The following RALYL variants were observed in gnomAD, a reference collection of about 807,000 sequenced individuals.
The protein encoded by RALYL is RALY RNA binding protein like.
A neutral mutation model predicts 35.1 loss-of-function variants in RALYL; 29 were observed. The observed-to-expected ratio is 0.83, with a 90% CI of 0.61 to 1.13. The LOEUF is 1.13. Ranked by LOEUF, RALYL falls within the 50% of genes most tolerant of loss-of-function variation. RALYL has a pLI of 0.00. For synonymous variants in RALYL, 120 were observed against 127.6 expected (o/e 0.94, Z 0.40); for missense variants, 359 against 360.4 (o/e 1.00, Z 0.03).
At chr8:84,260,352 C>T (rs1267975309) in intron 1 of RALYL, among the ~76,000 whole-genome samples, 1 of 152,056 alleles carries the variant, frequency 6.6e-6, no homozygotes, top group African/African-American at 2.4e-5. Context: ...GGAACAAGAC[C>T]ACTTAGAGTG....
At chr8:84,767,783 T>C (rs1814474420) in intron 2 of RALYL, among the ~76,000 whole-genome samples, 2 of 152,198 alleles carry the variant, frequency 1.3e-5, no homozygotes. Context: ...ATGGTGCCTG[T>C]TTGGTTTTAT....
At chr8:84,841,423 C>G (rs1833299731) in intron 4 of RALYL, among the ~76,000 whole-genome samples, 1 of 152,064 alleles carries the variant, frequency 6.6e-6, no homozygotes, top group Non-Finnish European at 1.5e-5. Flanking sequence ...GCTAACTATC[C>G]TAAATATATA....
intron 8 of RALYL, among the ~76,000 whole-genome samples, chr8:84,890,621 C>A (rs1435781781): frequency 6.6e-6 from 1 of 152,034 alleles, no homozygotes; most frequent in East Asian, 1.9e-4. Flanking sequence ...GAAGGGGGCT[C>A]TAGGAATTTG....
intron 1 of RALYL, among the ~76,000 whole-genome samples, chr8:84,251,286 C>A (rs1168101292): frequency 1.3e-5 from 2 of 152,078 alleles, no homozygotes; most frequent in African/African-American, 4.8e-5. Flanking sequence ...CTGTCCAGAT[C>A]AAGTTTCCAT....
chr8:84,488,358 G>T (rs1246005604), intron 1 of RALYL, among the ~76,000 whole-genome samples: 1 of 152,050 alleles, frequency 6.6e-6, no homozygotes, highest in African/African-American at 2.4e-5. Context: ...ATTGCTGTTT[G>T]TAGGCTTTCT....
At chr8:84,808,128 A>G (rs1319925012) in intron 4 of RALYL, among the ~76,000 whole-genome samples, 2 of 152,172 alleles carry the variant, frequency 1.3e-5, no homozygotes, top group African/African-American at 4.8e-5. Context: ...GAATGTTTAT[A>G]GTTTCAGGTC....
At chr8:84,799,282 T>C (rs755041217) in intron 3 of RALYL, among the ~76,000 whole-genome samples, 1 of 152,150 alleles carries the variant, frequency 6.6e-6, no homozygotes, top group Non-Finnish European at 1.5e-5. Context: ...AGTTATGAAG[T>C]ACCACTAACA....
At chr8:84,379,207 A>G (rs1857473243) in intron 1 of RALYL, among the ~76,000 whole-genome samples, 2 of 151,934 alleles carry the variant, frequency 1.3e-5, no homozygotes, top group Non-Finnish European at 2.9e-5. Flanking sequence ...AGGCATTGGG[A>G]AGATACAATT....
intron 1 of RALYL, among the ~76,000 whole-genome samples, chr8:84,506,196 C>G (rs1016001013): frequency 1.3e-5 from 2 of 151,966 alleles, no homozygotes; most frequent in African/African-American, 4.8e-5. Context: ...ATAATAATTG[C>G]CTTCATCTCC....
chr8:84,353,296 A>T (rs1851248148), intron 1 of RALYL, among the ~76,000 whole-genome samples: 1 of 150,122 alleles, frequency 6.7e-6, no homozygotes, highest in Admixed American at 6.6e-5. Flanking sequence ...CCAGTGAGTC[A>T]TTCACTGTAC....
In RALYL at chr8:84,468,568, C is replaced by CCCTTAACATTTTTT. The variant is rs527405979; in HGVS notation, c.-23-60726_-23-60713dup. ...GTAACCCGACCTTTCTCTCTGGCTG[C>CCCTTAACATTTTTT]CCTTAACATTTTTTCCTTCATTTCA... On this transcript the variant is annotated intron_variant, in intron 1 of 8. Coordinates refer to ENST00000521268, the MANE Select transcript of RALYL (RefSeq NM_173848.7). 1.1e-3 allele frequency among the ~76,000 whole-genome samples: 169 copies of CCCTTAACATTTTTT among 148,474 alleles called. No individual in the cohort carries two copies. In the Middle Eastern group the frequency reaches 0.018, roughly 15 times the overall value.
intron 2 of RALYL, among the ~76,000 whole-genome samples, chr8:84,653,557 G>GCTTC (rs950912694): frequency 3.3e-5 from 5 of 151,640 alleles, no homozygotes; most frequent in African/African-American, 9.7e-5. Context: ...TTTCCCAATG[G>GCTTC]CTTCCTTCCT....
intron 2 of RALYL, among the ~76,000 whole-genome samples, chr8:84,707,508 C>T (rs1226974551): frequency 6.6e-6 from 1 of 152,002 alleles, no homozygotes. Context: ...AGTGTCTCCC[C>T]TTAAAATGTG....
chr8:84,792,571 C>T (rs142284043), intron 3 of RALYL, among the ~76,000 whole-genome samples: 106 of 152,272 alleles, frequency 7.0e-4, no homozygotes, highest in African/African-American at 9.6e-4. Context: ...TTTAGGGCCA[C>T]GGGTTTCCAG....
At chr8:84,830,144 T>C (rs1304572416) in intron 4 of RALYL, among the ~76,000 whole-genome samples, 1 of 151,982 alleles carries the variant, frequency 6.6e-6, no homozygotes, top group Non-Finnish European at 1.5e-5. Context: ...AGAGGCAGTG[T>C]CACCTCATTG....
intron 2 of RALYL, among the ~76,000 whole-genome samples, chr8:84,565,791 T>A (rs1396779306): frequency 6.6e-6 from 1 of 151,688 alleles, no homozygotes; most frequent in Non-Finnish European, 1.5e-5. Context: ...ATACTGTGAA[T>A]CCTGAATAAT....
intron 1 of RALYL, among the ~76,000 whole-genome samples, chr8:84,225,020 C>A (rs1427713853): frequency 6.6e-6 from 1 of 152,152 alleles, no homozygotes; most frequent in African/African-American, 2.4e-5. Context: ...AGCCTTGGGA[C>A]CCACAGATAT....
At chr8:84,302,003 C>A (rs1840883689) in intron 1 of RALYL, among the ~76,000 whole-genome samples, 1 of 152,118 alleles carries the variant, frequency 6.6e-6, no homozygotes, top group African/African-American at 2.4e-5. Flanking sequence ...AAATTATCTG[C>A]ACCTTAATTA....
At chr8:84,759,041 G>A (rs1474298488) in intron 2 of RALYL, among the ~76,000 whole-genome samples, 1 of 151,956 alleles carries the variant, frequency 6.6e-6, no homozygotes, top group Non-Finnish European at 1.5e-5. Context: ...TCCTTTCCTT[G>A]TGGCCCCTTG....
Sources: allele counts gnomAD v4.1 joint callset (sites outside exome capture counted in the v4.1 genomes callset), GRCh38; gene constraint gnomAD v4.1.1; transcripts MANE v1.5; gene names NCBI Gene and HGNC (gene_info 2026-07-23, HGNC 2026-07-21).